The following OSBPL9 variants were observed in gnomAD, a reference collection of about 807,000 sequenced individuals.
OSBPL9 encodes oxysterol-binding protein-related protein 9.
Under a neutral mutation model 106.6 loss-of-function variants are expected in OSBPL9, and 40 were observed. The ratio of observed to expected loss-of-function variants is 0.38; its 90% CI spans 0.29 to 0.49. OSBPL9 has a LOEUF of 0.49. Ranked by LOEUF, OSBPL9 falls within the 20% of genes least tolerant of loss-of-function variation. The pLI, the probability that OSBPL9 is intolerant of heterozygous loss-of-function variation, is 0.97. For synonymous variants in OSBPL9, 269 were observed against 295.4 expected (o/e 0.91, Z 0.92); for missense variants, 609 against 887.2 (o/e 0.69, Z 3.98).
intron 1 of OSBPL9, among the ~76,000 whole-genome samples, chr1:51,594,045 G>C (rs536584872): frequency 6.6e-6 from 1 of 152,056 alleles, no homozygotes; most frequent in Non-Finnish European, 1.5e-5. Flanking sequence ...AGGCATTCTA[G>C]GGAAGAGACT....
At chr1:51,530,170 CAAAAAAAAAAA>C in the OSBPL9 span, among the ~76,000 whole-genome samples, 4 of 11,034 alleles carry the variant, frequency 3.6e-4, no homozygotes, top group African/African-American at 1.9e-3. Flanking sequence ...GACTCTGTCT[CAAAAAAAAAAA>C]AAAAAAAAAA....
At chr1:51,711,990 T>G (rs1472691014) in intron 3 of OSBPL9, among the ~76,000 whole-genome samples, 1 of 151,852 alleles carries the variant, frequency 6.6e-6, no homozygotes, top group Non-Finnish European at 1.5e-5. Context: ...GCAGAGACAC[T>G]CCTCACTTCC....
upstream of OSBPL9, among the ~76,000 whole-genome samples, chr1:51,575,717 A>G (rs1645179871): frequency 6.6e-6 from 1 of 152,160 alleles, no homozygotes; most frequent in African/African-American, 2.4e-5. Flanking sequence ...GCTCTTCCAT[A>G]TCGACTATTT....
chr1:51,606,564 TC>T (rs1643949365), intron 2 of OSBPL9, among the ~76,000 whole-genome samples: 1 of 152,254 alleles, frequency 6.6e-6, no homozygotes, highest in Non-Finnish European at 1.5e-5. Flanking sequence ...TGACAGGATG[TC>T]CCTGTTTGAA....
At chr1:51,767,827 TG>T (rs1485320332) in intron 12 of OSBPL9, among the ~76,000 whole-genome samples, 2 of 151,702 alleles carry the variant, frequency 1.3e-5, no homozygotes, top group East Asian at 1.9e-4. Flanking sequence ...TTTATAATAA[TG>T]GGGTTAAAAG....
At chr1:51,645,393 C>G (rs552704679) in intron 1 of OSBPL9, among the ~76,000 whole-genome samples, 1 of 151,788 alleles carries the variant, frequency 6.6e-6, no homozygotes, top group Admixed American at 6.6e-5. Flanking sequence ...GATACTATAC[C>G]CCTACCCAGA....
At chr1:51,636,260 A>G (rs1645441734) in intron 1 of OSBPL9, among the ~76,000 whole-genome samples, 1 of 148,064 alleles carries the variant, frequency 6.8e-6, no homozygotes, top group African/African-American at 2.5e-5. Flanking sequence ...TCCTAGGCTC[A>G]AGTAATCCTT....
intron 14 of OSBPL9, among the ~76,000 whole-genome samples, chr1:51,775,691 A>G (rs1048317224): frequency 6.6e-6 from 1 of 152,014 alleles, no homozygotes; most frequent in African/African-American, 2.4e-5. Context: ...GCTCACGGCA[A>G]CCTCTGCCTC....
upstream of OSBPL9, chr1:51,617,000 C>T: frequency 1.3e-6 from 2 of 1,508,884 alleles, no homozygotes; most frequent in Non-Finnish European, 8.9e-7. Context: ...GCCGGCACCG[C>T]CCAGGACCCG....
At chr1:51,614,016 C>T (rs886132578), upstream of OSBPL9, among the ~76,000 whole-genome samples, 3 of 151,680 alleles carry the variant, frequency 2.0e-5, no homozygotes, top group African/African-American at 4.8e-5. Context: ...CTCCTGGGCT[C>T]GAGCTGTCCT....
chr1:51,565,335 GT>G, the OSBPL9 span, among the ~76,000 whole-genome samples: 1 of 152,124 alleles, frequency 6.6e-6, no homozygotes, highest in Non-Finnish European at 1.5e-5. Flanking sequence ...ACTGCTGTCA[GT>G]TTTTTACACA....
At chr1:51,725,247 TAC>T (rs1016673777) in intron 4 of OSBPL9, among the ~76,000 whole-genome samples, 12 of 152,176 alleles carry the variant, frequency 7.9e-5, no homozygotes, top group African/African-American at 2.9e-4. Flanking sequence ...TCATTTCTGT[TAC>T]AGTCTTTTTG....
chr1:51,519,166 G>A, the OSBPL9 span: 7 of 1,426,056 alleles, frequency 4.9e-6, no homozygotes, highest in Admixed American at 8.1e-5. Context: ...GGCACCGGCC[G>A]GCCAAGCCCG....
upstream of OSBPL9, among the ~76,000 whole-genome samples, chr1:51,576,076 A>G (rs577496562): frequency 6.6e-5 from 10 of 152,322 alleles, no homozygotes; most frequent in South Asian, 1.9e-3. Context: ...GAGGGCTCCC[A>G]TGTCACATAA....
chr1:51,647,859 A>C (rs1481679660), intron 1 of OSBPL9, among the ~76,000 whole-genome samples: 1 of 152,082 alleles, frequency 6.6e-6, no homozygotes, highest in Non-Finnish European at 1.5e-5. Flanking sequence ...TCGCACCTGT[A>C]GTCCCAGCAC....
chr1:51,541,762 TTAAGGGCTG>T, the OSBPL9 span, among the ~76,000 whole-genome samples: 2 of 152,198 alleles, frequency 1.3e-5, no homozygotes, highest in African/African-American at 2.4e-5. Context: ...AAGGCCTCAC[TTAAGGGCTG>T]GGCTTCCCAG....
rs193075732 is a variant in OSBPL9 at position 51,764,889 on chromosome 1, T to C, written c.779-933T>C. Reference sequence around the variant, plus strand: ...CATGAGCCATTGTGCCTAGCCTGGATTCATTTTTATTGCTGTCTTCAATTT... The same window carrying C: ...CATGAGCCATTGTGCCTAGCCTGGACTCATTTTTATTGCTGTCTTCAATTT... On this transcript the variant is annotated intron_variant, in intron 11 of 23. Transcript: ENST00000428468. Among the ~76,000 whole-genome samples, 230 of 152,324 alleles carry C rather than the reference T, an allele frequency of 1.5e-3. 1 individual carries two copies. Among genetic ancestry groups the C allele is most frequent in the Admixed American group, 4.8e-3 (73 of 15,286 alleles).
At chr1:51,604,821 T>G (rs530756345) in intron 2 of OSBPL9, among the ~76,000 whole-genome samples, 1 of 151,390 alleles carries the variant, frequency 6.6e-6, no homozygotes, top group Admixed American at 6.6e-5. Context: ...ACCTGGCTGA[T>G]TTTTTGTTTT....
At chr1:51,645,729 AC>A (rs1646113471) in intron 1 of OSBPL9, among the ~76,000 whole-genome samples, 1 of 151,958 alleles carries the variant, frequency 6.6e-6, no homozygotes, top group African/African-American at 2.4e-5. Flanking sequence ...ATTTATACCT[AC>A]GTTTTTACCT....
Sources: allele counts gnomAD v4.1 joint callset (sites outside exome capture counted in the v4.1 genomes callset), GRCh38; gene constraint gnomAD v4.1.1; transcripts MANE v1.5; gene names NCBI Gene and HGNC (gene_info 2026-07-23, HGNC 2026-07-21).